SLC6A11: variants seen among roughly 807,000 people sequenced by gnomAD.
The protein encoded by SLC6A11 is sodium- and chloride-dependent GABA transporter 3.
SLC6A11 carries 25 observed loss-of-function variants against 74.8 expected under a neutral mutation model. That is an observed-to-expected ratio of 0.33 (90% CI 0.24 to 0.47). The LOEUF (loss-of-function observed/expected upper bound fraction) is 0.47, where lower values mean the gene tolerates loss of function less well. SLC6A11 is among the 20% of genes least tolerant of loss of function. SLC6A11 has a pLI of 1.00. For synonymous variants in SLC6A11, 330 were observed against 330.2 expected, an observed-to-expected ratio of 1.00 and a Z score of 0.01; for missense variants, 574 against 837.0, an observed-to-expected ratio of 0.69 and a Z score of 3.88.
intron 8 of SLC6A11, among the ~76,000 whole-genome samples, chr3:10,925,754 G>A (rs572441598): frequency 6.6e-6 from 1 of 152,254 alleles, no homozygotes; most frequent in Admixed American, 6.5e-5. Flanking sequence ...TGGATCAGCT[G>A]AACCTAGGCT....
At chr3:10,919,725 A>G (rs576341918) in intron 8 of SLC6A11, among the ~76,000 whole-genome samples, 1 of 152,332 alleles carries the variant, frequency 6.6e-6, no homozygotes, top group African/African-American at 2.4e-5. Flanking sequence ...CAAAGCTCTC[A>G]ATCGCTGGGC....
At chr3:10,849,188 A>T (rs1049028750) in intron 5 of SLC6A11, among the ~76,000 whole-genome samples, 6 of 152,350 alleles carry the variant, frequency 3.9e-5, no homozygotes, top group African/African-American at 1.4e-4. Flanking sequence ...TCTCAATTGT[A>T]TATTAAGTCC....
At chr3:10,855,252 G>C (rs1694625336) in intron 5 of SLC6A11, among the ~76,000 whole-genome samples, 1 of 152,300 alleles carries the variant, frequency 6.6e-6, no homozygotes, top group African/African-American at 2.4e-5. Context: ...CCATTTTACA[G>C]ATGTGAAAAA....
chr3:10,923,029 T>G (rs899320121), intron 8 of SLC6A11, among the ~76,000 whole-genome samples: 1 of 152,106 alleles, frequency 6.6e-6, no homozygotes, highest in African/African-American at 2.4e-5. Context: ...AAAGGAGAGA[T>G]GCTAGAATGT....
At chr3:10,844,560 C>T (rs574635851) in intron 5 of SLC6A11, among the ~76,000 whole-genome samples, 5 of 152,124 alleles carry the variant, frequency 3.3e-5, no homozygotes, top group South Asian at 2.1e-4. Flanking sequence ...CCTCAGTGTA[C>T]GTGACTATGA....
intron 5 of SLC6A11, among the ~76,000 whole-genome samples, chr3:10,862,560 G>A (rs1480276540): frequency 6.6e-6 from 1 of 152,204 alleles, no homozygotes; most frequent in Non-Finnish European, 1.5e-5. Flanking sequence ...CAGTGCTTGT[G>A]TCTTTCCTTG....
At chr3:10,909,488 G>C (rs1051867856) in intron 6 of SLC6A11, among the ~76,000 whole-genome samples, 2 of 152,194 alleles carry the variant, frequency 1.3e-5, no homozygotes, top group Admixed American at 6.5e-5. Context: ...CACCATGTTA[G>C]GGGGAGGGTC....
intron 6 of SLC6A11, among the ~76,000 whole-genome samples, chr3:10,896,084 A>G (rs747554935): frequency 8.5e-5 from 13 of 152,242 alleles, no homozygotes; most frequent in Non-Finnish European, 1.8e-4. Flanking sequence ...CAAAGGAGGC[A>G]TTGACCCTGC....
chr3:10,835,807 G>A lies in SLC6A11; in HGVS notation c.624-8407G>A, dbSNP rs149130942. ...AAGTGTGTGTTCTGCAGGATGTTAG[G>A]AAGTATTGCCTTGGAAAAGCAGAAA... is the stretch of plus-strand genomic sequence containing the variant. On this transcript the variant is annotated intron_variant, in intron 4 of 13. Coordinates refer to ENST00000254488, the MANE Select transcript of SLC6A11 (RefSeq NM_014229.3). 6.3e-3 allele frequency among the ~76,000 whole-genome samples: 958 copies of A among 152,290 alleles called. 46 individuals are homozygous for A. The South Asian group carries it at 0.098, about 16-fold the overall frequency.
intron 6 of SLC6A11, among the ~76,000 whole-genome samples, chr3:10,907,147 C>T (rs557882123): frequency 3.3e-5 from 5 of 152,158 alleles, no homozygotes; most frequent in African/African-American, 1.2e-4. Flanking sequence ...AACCAATAGA[C>T]ACTATGAGGC....
At chr3:10,827,847 C>T (rs560005708) in intron 4 of SLC6A11, among the ~76,000 whole-genome samples, 1 of 152,282 alleles carries the variant, frequency 6.6e-6, no homozygotes, top group African/African-American at 2.4e-5. Context: ...CTGCCCACTC[C>T]CCATCTTGAA....
intron 4 of SLC6A11, among the ~76,000 whole-genome samples, chr3:10,829,526 C>T (rs1694265291): frequency 6.6e-6 from 1 of 152,152 alleles, no homozygotes; most frequent in African/African-American, 2.4e-5. Context: ...TTACCTGGCC[C>T]CACCATACCC....
At chr3:10,870,117 T>G (rs569305689) in intron 5 of SLC6A11, among the ~76,000 whole-genome samples, 1 of 152,260 alleles carries the variant, frequency 6.6e-6, no homozygotes, top group Admixed American at 6.5e-5. Context: ...GGGACCAAGC[T>G]CCAGCCCATG....
At chr3:10,874,226 C>G (rs1694881320) in intron 5 of SLC6A11, among the ~76,000 whole-genome samples, 2 of 152,222 alleles carry the variant, frequency 1.3e-5, no homozygotes, top group African/African-American at 4.8e-5. Flanking sequence ...ATGTATCACA[C>G]ATGTGTTATG....
intron 5 of SLC6A11, among the ~76,000 whole-genome samples, chr3:10,864,791 A>G (rs1433680313): frequency 6.6e-6 from 1 of 152,128 alleles, no homozygotes; most frequent in African/African-American, 2.4e-5. Context: ...TCTGTCCTTC[A>G]TTTGAGTCTG....
intron 4 of SLC6A11, among the ~76,000 whole-genome samples, chr3:10,843,331 C>T (rs1484482967): frequency 6.6e-6 from 1 of 152,122 alleles, no homozygotes; most frequent in East Asian, 1.9e-4. Context: ...AGTCAAGGCT[C>T]CCTGTGTTAC....
chr3:10,863,946 C>T lies in SLC6A11; in HGVS notation c.757-11015C>T, dbSNP rs1361138496. On this transcript the variant is annotated intron_variant, in intron 5 of 13. Transcript: ENST00000254488. ...TAGCTTTGGAATCATAGGTCAAATG[C>T]ACAACTTCTGGGTGCTTCAGTGTCC... Among the ~76,000 whole-genome samples, 3 of 152,064 alleles carry T rather than the reference C, an allele frequency of 2.0e-5. No individual in the cohort carries two copies. In the East Asian group the frequency reaches 5.8e-4, roughly 29 times the overall value.
At chr3:10,817,583 CCCTCCAGCAAATT>C (rs1372804674) in intron 1 of SLC6A11, among the ~76,000 whole-genome samples, 1 of 152,210 alleles carries the variant, frequency 6.6e-6, no homozygotes. Flanking sequence ...GTGCCCCTGC[CCCTCCAGCAAATT>C]CCCAAACCCC....
chr3:10,835,562 C>T (rs1694356082), intron 4 of SLC6A11, among the ~76,000 whole-genome samples: 2 of 152,182 alleles, frequency 1.3e-5, no homozygotes, highest in South Asian at 4.1e-4. Flanking sequence ...TAGATTCACT[C>T]TCCTCCCCAC....
Sources: gnomAD v4.1 joint callset for allele counts (sites outside exome capture counted in the v4.1 genomes callset) on GRCh38, gnomAD v4.1.1 for gene constraint, MANE v1.5 for transcripts, NCBI Gene and HGNC (gene_info 2026-07-23, HGNC 2026-07-21) for gene names.